RALYL: variants seen among roughly 807,000 people sequenced by gnomAD.
RALYL encodes RALY RNA binding protein like, also known as RNA-binding Raly-like protein.
Under a neutral mutation model 35.1 loss-of-function variants are expected in RALYL, and 29 were observed. The observed-to-expected ratio is 0.83, with a 90% CI of 0.61 to 1.13. RALYL has a LOEUF of 1.13. RALYL is among the 50% of genes most tolerant of loss of function. RALYL has a pLI of 0.00. For synonymous variants in RALYL, 120 were observed against 127.6 expected (o/e 0.94, Z 0.40); for missense variants, 359 against 360.4 (o/e 1.00, Z 0.03).
At chr8:84,482,444 T>A (rs915524683) in intron 1 of RALYL, among the ~76,000 whole-genome samples, 1 of 152,112 alleles carries the variant, frequency 6.6e-6, no homozygotes, top group Non-Finnish European at 1.5e-5. Context: ...GTTTCCTTTT[T>A]AAACTGTTAA....
chr8:84,357,113 T>A (rs1412148862), intron 1 of RALYL, among the ~76,000 whole-genome samples: 1 of 152,068 alleles, frequency 6.6e-6, no homozygotes, highest in African/African-American at 2.4e-5. Context: ...CTGCTGCACA[T>A]TGGAAAGTGG....
chr8:84,560,931 T>C (rs764250686), intron 2 of RALYL, among the ~76,000 whole-genome samples: 4 of 152,094 alleles, frequency 2.6e-5, no homozygotes, highest in Non-Finnish European at 5.9e-5. Flanking sequence ...TTCTCCTCAC[T>C]GCTAGATTTT....
chr8:84,726,811 T>C (rs184153524), intron 2 of RALYL, among the ~76,000 whole-genome samples: 1 of 152,138 alleles, frequency 6.6e-6, no homozygotes, highest in African/African-American at 2.4e-5. Flanking sequence ...ATTTATTCAA[T>C]GGGAAATGTA....
chr8:84,847,945 A>C (rs1211696256), intron 4 of RALYL, among the ~76,000 whole-genome samples: 1 of 152,242 alleles, frequency 6.6e-6, no homozygotes, highest in Non-Finnish European at 1.5e-5. Context: ...TCTATGTAAG[A>C]GCATGAGGAG....
chr8:84,835,526 A>AT (rs71273912), intron 4 of RALYL, among the ~76,000 whole-genome samples: 1 of 126,980 alleles, frequency 7.9e-6, no homozygotes, highest in Non-Finnish European at 1.7e-5. Context: ...AAAAAAAAAA[A>AT]TACAAAATTA....
chr8:84,232,932 A>G (rs1053825271), intron 1 of RALYL, among the ~76,000 whole-genome samples: 5 of 152,176 alleles, frequency 3.3e-5, no homozygotes, highest in African/African-American at 1.2e-4. Flanking sequence ...TCGCATACTC[A>G]AGATAAAATT....
At position 84,205,024 on chromosome 8, in the gene RALYL, A is replaced by G. The variant is rs78455338; in HGVS notation, c.-24+20600A>G. On this transcript the variant is annotated intron_variant, in intron 1 of 8. Coordinates refer to ENST00000521268, the MANE Select transcript of RALYL (RefSeq NM_173848.7). ...ACTAGCAGAGCTAAAACTTAAGCCCAGGTCTGATTCTGAAATCTTCTAACT... is the reference window on the plus strand; with the variant it reads ...ACTAGCAGAGCTAAAACTTAAGCCCGGGTCTGATTCTGAAATCTTCTAACT... 3.5e-3 allele frequency among the ~76,000 whole-genome samples: 539 copies of G among 152,308 alleles called. 10 individuals carry two copies. The East Asian group carries it at 0.046, about 13-fold the overall frequency.
At chr8:84,624,777 C>T (rs957298209) in intron 2 of RALYL, among the ~76,000 whole-genome samples, 2 of 152,120 alleles carry the variant, frequency 1.3e-5, no homozygotes, top group African/African-American at 2.4e-5. Flanking sequence ...CTTGACTTAC[C>T]CTATCGAATT....
chr8:84,708,599 A>T (rs372710109), intron 2 of RALYL, among the ~76,000 whole-genome samples: 8 of 152,166 alleles, frequency 5.3e-5, no homozygotes, highest in African/African-American at 1.7e-4. Context: ...CTGTTTTTTT[A>T]AAATTCGGAT....
chr8:84,575,652 TC>T (rs1809206786), intron 2 of RALYL, among the ~76,000 whole-genome samples: 1 of 152,164 alleles, frequency 6.6e-6, no homozygotes, highest in Non-Finnish European at 1.5e-5. Context: ...GACATGGACA[TC>T]CTCTGCTTTT....
intron 1 of RALYL, among the ~76,000 whole-genome samples, chr8:84,339,546 T>C (rs1848406840): frequency 6.6e-6 from 1 of 151,896 alleles, no homozygotes; most frequent in South Asian, 2.1e-4. Flanking sequence ...TATGGTGAAT[T>C]GTAGAACTAT....
intron 2 of RALYL, among the ~76,000 whole-genome samples, chr8:84,665,107 T>G (rs1831728432): frequency 6.6e-6 from 1 of 152,202 alleles, no homozygotes; most frequent in Admixed American, 6.5e-5. Context: ...TCTTTAGTCC[T>G]GTTTATGTGA....
intron 3 of RALYL, among the ~76,000 whole-genome samples, chr8:84,782,380 A>G (rs916871134): frequency 2.6e-5 from 4 of 152,210 alleles, no homozygotes; most frequent in African/African-American, 9.6e-5. Flanking sequence ...TTGAGCTGCT[A>G]CTTAAGACTC....
intron 1 of RALYL, among the ~76,000 whole-genome samples, chr8:84,324,854 T>C (rs187762683): frequency 1.4e-3 from 209 of 152,158 alleles, no homozygotes; most frequent in African/African-American, 4.6e-3. Flanking sequence ...TACTAATGCT[T>C]CCCTCCTTCA....
chr8:84,337,016 G>A (rs1364693402), intron 1 of RALYL, among the ~76,000 whole-genome samples: 1 of 150,462 alleles, frequency 6.6e-6, no homozygotes, highest in East Asian at 1.9e-4. Context: ...TAACCTGTCT[G>A]TGTATCTATG....
chr8:84,509,845 T>C (rs1465286937), intron 1 of RALYL, among the ~76,000 whole-genome samples: 1 of 152,190 alleles, frequency 6.6e-6, no homozygotes, highest in East Asian at 1.9e-4. Flanking sequence ...TGGGTGTATT[T>C]CTGAGCTCTC....
chr8:84,735,586 G>A (rs77291083), intron 2 of RALYL, among the ~76,000 whole-genome samples: 2,347 of 151,998 alleles, frequency 0.015, 38 homozygotes, highest in Non-Finnish European at 0.023. Context: ...TTAGACAAAT[G>A]TTCCATTTCC....
At chr8:84,879,687 C>T (rs918117040) in intron 7 of RALYL, among the ~76,000 whole-genome samples, 2 of 152,024 alleles carry the variant, frequency 1.3e-5, no homozygotes, top group Admixed American at 6.6e-5. Context: ...AGGAACAAAA[C>T]GCTGCTGTTT....
chr8:84,843,897 G>A (rs1353973100), intron 4 of RALYL, among the ~76,000 whole-genome samples: 3 of 152,190 alleles, frequency 2.0e-5, no homozygotes, highest in Non-Finnish European at 4.4e-5. Flanking sequence ...AATGGTGCTG[G>A]GAAAACTGGC....
Sources: allele counts gnomAD v4.1 joint callset (sites outside exome capture counted in the v4.1 genomes callset), GRCh38; gene constraint gnomAD v4.1.1; transcripts MANE v1.5; gene names NCBI Gene and HGNC (gene_info 2026-07-23, HGNC 2026-07-21).